The following RASSF3 variants were observed in gnomAD, a reference collection of about 807,000 sequenced individuals.
RASSF3 encodes the protein ras association domain-containing protein 3.
In RASSF3, 19 loss-of-function variants were observed where a neutral mutation model predicts 19.9. The observed-to-expected ratio is 0.96, with a 90% confidence interval of 0.67 to 1.40. RASSF3 has a LOEUF of 1.40. Ranked by LOEUF, RASSF3 falls within the 40% of genes most tolerant of loss-of-function variation. RASSF3 has a pLI of 0.00. For synonymous variants in RASSF3, 110 were observed against 104.2 expected (o/e 1.06, Z -0.34); for missense variants, 306 against 289.8 (o/e 1.06, Z -0.41).
intron 1 of RASSF3, among the ~76,000 whole-genome samples, chr12:64,508,524 AAAAC>A (rs1174281022): frequency 2.0e-5 from 3 of 150,830 alleles, no homozygotes; most frequent in African/African-American, 7.3e-5. Flanking sequence ...TCTCAAAAAA[AAAAC>A]AAAAAACAGA....
At chr12:64,564,817 G>T (rs1402937842) in intron 2 of RASSF3, among the ~76,000 whole-genome samples, 6 of 150,496 alleles carry the variant, frequency 4.0e-5, no homozygotes, top group African/African-American at 1.5e-4. Context: ...GTCTCGCTCT[G>T]TTGCCCAGGC....
At position 64,587,416 on chromosome 12, in the gene RASSF3, A is replaced by C. The variant is rs145264369; in HGVS notation, c.294+45711A>C. Among the ~76,000 whole-genome samples, 66 of 152,216 alleles carry C rather than the reference A, an allele frequency of 4.3e-4. No individual in the cohort carries two copies. In the East Asian group the frequency reaches 0.012, roughly 28 times the overall value. On this transcript the variant is annotated intron_variant, in intron 2 of 5. Coordinates refer to the RASSF3 transcript ENST00000637125. ...TAGTTGCATGTGTATGTGGTTCTTA[A>C]ATTTTTCTTTTCCCTAAGAAAAAAA...
At chr12:64,562,709 C>T (rs980173776) in intron 2 of RASSF3, among the ~76,000 whole-genome samples, 2 of 152,062 alleles carry the variant, frequency 1.3e-5, no homozygotes, top group East Asian at 1.9e-4. Flanking sequence ...CAGCCTCGAC[C>T]TCCTGGGCTC....
At chr12:64,568,035 GT>G (rs1303111917) in intron 2 of RASSF3, among the ~76,000 whole-genome samples, 2 of 152,120 alleles carry the variant, frequency 1.3e-5, no homozygotes, top group African/African-American at 4.8e-5. Context: ...TTATTTGTTT[GT>G]TTTTTGTTTT....
intron 1 of RASSF3, among the ~76,000 whole-genome samples, chr12:64,651,635 C>T (rs1048862184): frequency 1.3e-5 from 2 of 152,088 alleles, no homozygotes; most frequent in South Asian, 2.1e-4. Context: ...GCTGGGATTA[C>T]AGGCATAAGC....
At chr12:64,560,033 A>G (rs922877721) in intron 2 of RASSF3, among the ~76,000 whole-genome samples, 2 of 152,052 alleles carry the variant, frequency 1.3e-5, no homozygotes, top group Non-Finnish European at 2.9e-5. Context: ...CATGGCCACA[A>G]CCTCCCACCA....
intron 2 of RASSF3, among the ~76,000 whole-genome samples, chr12:64,576,089 A>G (rs1291914924): frequency 6.6e-6 from 1 of 152,134 alleles, no homozygotes; most frequent in African/African-American, 2.4e-5. Flanking sequence ...GGGTTTCTCC[A>G]TGTTAAAGCA....
chr12:64,512,050 GA>G (rs1868331618), intron 1 of RASSF3, among the ~76,000 whole-genome samples: 1 of 152,170 alleles, frequency 6.6e-6, no homozygotes, highest in Non-Finnish European at 1.5e-5. Flanking sequence ...GAAGAGAAAG[GA>G]GGGGGGCTGC....
chr12:64,659,222 T>C (rs1872259467), intron 1 of RASSF3, among the ~76,000 whole-genome samples: 1 of 152,078 alleles, frequency 6.6e-6, no homozygotes, highest in African/African-American at 2.4e-5. Context: ...CTTTACTTGG[T>C]GGGAGGAGGT....
chr12:64,649,220 T>A (rs1029421816), intron 1 of RASSF3, among the ~76,000 whole-genome samples: 1 of 146,316 alleles, frequency 6.8e-6, no homozygotes, highest in Non-Finnish European at 1.5e-5. Context: ...TGGGATGGAG[T>A]CTCGCTCTGT....
At chr12:64,512,605 T>G (rs1868334654) in intron 1 of RASSF3, among the ~76,000 whole-genome samples, 1 of 152,198 alleles carries the variant, frequency 6.6e-6, no homozygotes, top group South Asian at 2.1e-4. Flanking sequence ...TTCTTACTAA[T>G]GGTTTAACGA....
In RASSF3 at chr12:64,520,776, G is replaced by A. The variant is rs140813102; in HGVS notation, c.169+13447G>A. 2.5e-3 allele frequency among the ~76,000 whole-genome samples: 375 copies of A among 152,036 alleles called. 6 individuals are homozygous for A. Among genetic ancestry groups the A allele is most frequent in the Admixed American group, 6.6e-4 (10 of 15,260 alleles). ...GAAGGACCAAAAAACCAAGATGACC[G>A]ATTGAAATTAGAGGTGTTGGTACAG... On this transcript the variant is annotated intron_variant, in intron 1 of 5. Coordinates refer to the RASSF3 transcript ENST00000637125.
chr12:64,560,860 G>A (rs1565839325), intron 2 of RASSF3, among the ~76,000 whole-genome samples: 3 of 152,192 alleles, frequency 2.0e-5, no homozygotes, highest in Non-Finnish European at 4.4e-5. Context: ...TGAGAGACGG[G>A]GAAGGAAGGA....
At position 64,610,667 on chromosome 12, in the gene RASSF3, C is replaced by T. The variant is rs1428594478; in HGVS notation, c.35C>T (p.Ala12Val). The change falls in exon 1 of 5, where the codon GCC becomes GTC. Residue 12 changes from alanine (A) to valine (V), a missense_variant. Physicochemically the swap from Ala to Val is moderately conservative, Grantham distance 64. Transcript: ENST00000542104. ...SSGYSSLEED[A>V]EDFFFTARTS... ...GGCTACAGCAGCCTGGAGGAGGACG[C>T]CGAGGACTTCTTCTTCACCGCCAGG... The T allele has an allele frequency of 5.7e-6, 9 of 1,592,368 alleles. No individual in the cohort carries two copies. Among genetic ancestry groups the T allele is most frequent in the Non-Finnish European group, 7.7e-6 (9 of 1,171,582 alleles).
In RASSF3 at chr12:64,677,866, A is replaced by G. The variant is rs184299930; in HGVS notation, c.112-6921A>G. Among the ~76,000 whole-genome samples the G allele has an allele frequency of 6.9e-3, 1,052 of 152,322 alleles. 5 individuals carry two copies. The highest frequency in any genetic ancestry group is 8.6e-3 in the Non-Finnish European group (584 of 68,030). ...ATACTTTAAAATCTAGTTTAGGAGC[A>G]TCTAACTTCACATGCTGAAATTTTC... On this transcript the variant is annotated intron_variant, in intron 1 of 4. Transcript: ENST00000542104.
At chr12:64,518,253 A>T (rs1321078547) in intron 1 of RASSF3, among the ~76,000 whole-genome samples, 1 of 152,194 alleles carries the variant, frequency 6.6e-6, no homozygotes, top group Non-Finnish European at 1.5e-5. Context: ...TCCATCTGTT[A>T]GTCCATTTTT....
intron 2 of RASSF3, among the ~76,000 whole-genome samples, chr12:64,604,025 T>C (rs985909369): frequency 1.3e-5 from 2 of 151,980 alleles, no homozygotes; most frequent in African/African-American, 4.8e-5. Flanking sequence ...TTTTTGTATT[T>C]TTAGTAGAGA....
chr12:64,583,302 A>G (rs1299420739), intron 2 of RASSF3, among the ~76,000 whole-genome samples: 1 of 152,226 alleles, frequency 6.6e-6, no homozygotes, highest in African/African-American at 2.4e-5. Flanking sequence ...CAAGTGTTCC[A>G]TGTCACACAG....
intron 1 of RASSF3, among the ~76,000 whole-genome samples, chr12:64,528,043 G>A (rs1185567154): frequency 2.0e-5 from 3 of 152,156 alleles, no homozygotes; most frequent in South Asian, 2.1e-4. Context: ...AGAACCACTC[G>A]CATCCAGGAG....
Sources: allele counts gnomAD v4.1 joint callset (sites outside exome capture counted in the v4.1 genomes callset), GRCh38; gene constraint gnomAD v4.1.1; transcripts MANE v1.5; gene names NCBI Gene and HGNC (gene_info 2026-07-23, HGNC 2026-07-21).